The following RNASEH2A variants were observed in gnomAD, a reference collection of about 807,000 sequenced individuals.
RNASEH2A encodes ribonuclease H2 subunit A.
Under a neutral mutation model 32.7 loss-of-function variants are expected in RNASEH2A, and 30 were observed. The observed-to-expected ratio is 0.92, with a 90% confidence interval of 0.69 to 1.25. RNASEH2A has a LOEUF of 1.25. Among genes scored for constraint, RNASEH2A ranks in the 50% most tolerant of loss-of-function variants. The pLI, the probability that RNASEH2A is intolerant of heterozygous loss-of-function variation, is 0.00. For missense variants in RNASEH2A, 409 were observed against 398.1 expected (o/e 1.03, Z -0.23); for synonymous variants, 147 against 165.4 (o/e 0.89, Z 0.86).
rs750635099 is a variant in RNASEH2A, at chr19:12,806,708, G to A, written c.35G>A (p.Gly12Asp). 3.2e-6 allele frequency: 5 copies of A among 1,569,676 alleles called. No individual in the cohort carries two copies. In the South Asian group the frequency reaches 5.8e-5, roughly 18 times the overall value. Residue 12 changes from glycine to aspartate, a missense_variant, in exon 1 of 8, where the codon GGC (glycine) becomes GAC (aspartate). Transcript: ENST00000221486. ...AGCGAGCTGGAGAGAGACAATACAG[G>A]CCGCTGTCGCCTGAGTTCGCCTGTG... The part of the protein sequence containing the change: ...DLSELERDNT[G>D]RCRLSSPVPA...
At position 12,813,225 on chromosome 19, in the gene RNASEH2A, C is replaced by T. The variant is rs770646229; in HGVS notation, c.761+19C>T. 1.2e-6 allele frequency: 2 copies of T among 1,613,900 alleles called. No homozygotes were observed. The highest frequency in any genetic ancestry group is 1.7e-6 in the Non-Finnish European group (2 of 1,179,942). On this transcript the variant is annotated intron_variant, in intron 7 of 7. Transcript: ENST00000221486. ...TTATATGGTGGGTGTCATGGATGTC[C>T]TGGGGGTGCTATAGGGAAGGAAGGA...
At position 12,806,604 on chromosome 19, in the gene RNASEH2A, C is replaced by G. The variant is rs1029839889; in HGVS notation, c.-70C>G. 4 of 1,547,998 alleles carry G rather than the reference C, an allele frequency of 2.6e-6. No individual in the cohort carries two copies. In the South Asian group the frequency reaches 4.8e-5, roughly 18 times the overall value. On this transcript the variant is annotated 5_prime_UTR_variant, in exon 1 of 8. Coordinates refer to ENST00000221486, the MANE Select transcript of RNASEH2A (RefSeq NM_006397.3). ...GAAGCAGGCGCCGCTTCGAGGCCCG[C>G]GGAAAACGCGCGCCGAGACCCGCTC...
At chr19:12,808,663 G>A (rs1433290400) in intron 4 of RNASEH2A, among the ~76,000 whole-genome samples, 1 of 152,162 alleles carries the variant, frequency 6.6e-6, no homozygotes, top group Non-Finnish European at 1.5e-5. Context: ...ATTAAATCAG[G>A]AAAATTCACA....
rs1334674149 is a variant in RNASEH2A at position 12,806,626 on chromosome 19, G to A, written c.-48G>A. On this transcript the variant is annotated 5_prime_UTR_variant, in exon 1 of 8. Coordinates refer to ENST00000221486, the MANE Select transcript of RNASEH2A (RefSeq NM_006397.3). ...CCGCGGAAAACGCGCGCCGAGACCC[G>A]CTCCTGCAGTATTAGTTCTTGCAGC... 10 of 1,557,924 alleles carry A rather than the reference G, an allele frequency of 6.4e-6. No individual in the cohort carries two copies. The highest frequency in any genetic ancestry group is 1.9e-5 in the Admixed American group (1 of 51,680).
intron 4 of RNASEH2A, among the ~76,000 whole-genome samples, chr19:12,808,401 A>C (rs1212133995): frequency 6.6e-6 from 1 of 152,140 alleles, no homozygotes; most frequent in Non-Finnish European, 1.5e-5. Context: ...TGACGACCAC[A>C]GTGTAGCCCC....
chr19:12,807,237 A>G lies in RNASEH2A; in HGVS notation c.231A>G (p.Glu77=), dbSNP rs1277920249. The G allele has an allele frequency of 1.9e-6, 3 of 1,614,186 alleles. No homozygotes were observed. The highest frequency in any genetic ancestry group is 1.1e-5 in the South Asian group (1 of 91,086). Residue 77 remains glutamate (E), a synonymous_variant, in exon 3 of 8, where the codon GAA becomes GAG. Coordinates refer to ENST00000221486, the MANE Select transcript of RNASEH2A (RefSeq NM_006397.3). ...AGACCCTATTGGAGAGCGAGCGGGAAAGGCTGTTTGCGAAAATGGAGGACA... is the reference window on the plus strand; with the variant it reads ...AGACCCTATTGGAGAGCGAGCGGGAGAGGCTGTTTGCGAAAATGGAGGACA... The part of the protein sequence containing the change: ...DSKTLLESER[E]RLFAKMEDTD...
chr19:12,811,509 G>A (rs976231532), intron 6 of RNASEH2A, among the ~76,000 whole-genome samples: 2 of 152,030 alleles, frequency 1.3e-5, no homozygotes, highest in Admixed American at 6.6e-5. Context: ...CTACTCTGGA[G>A]GAGGAGGCTA....
rs963894982 is a variant in RNASEH2A, at chr19:12,806,629, C to T, written c.-45C>T. 9.6e-6 allele frequency: 15 copies of T among 1,559,696 alleles called. No individual in the cohort carries two copies. The highest frequency in any genetic ancestry group is 1.2e-5 in the Non-Finnish European group (14 of 1,151,750). On this transcript the variant is annotated 5_prime_UTR_variant, in exon 1 of 8. Coordinates refer to ENST00000221486, the MANE Select transcript of RNASEH2A (RefSeq NM_006397.3). ...CGGAAAACGCGCGCCGAGACCCGCT[C>T]CTGCAGTATTAGTTCTTGCAGCTGG...
rs763533382 is a variant in RNASEH2A, at chr19:12,813,066, T to G, written c.638-17T>G. The G allele has an allele frequency of 6.2e-7, 1 of 1,613,898 alleles. No homozygotes were observed. Among genetic ancestry groups the G allele is most frequent in the South Asian group, 1.1e-5 (1 of 91,058 alleles). On this transcript the variant is annotated splice_polypyrimidine_tract_variant and intron_variant, in intron 6 of 7. Transcript: ENST00000221486. The stretch of plus-strand genomic sequence containing the variant: ...ATGGTGCAACTTGGACTGTCACCAT[T>G]GCCCACCCTACCCCAGATCCCAAGA...
At chr19:12,809,920 G>T (rs1359355734) in intron 4 of RNASEH2A, 151 bp from the exon 5 acceptor site, 4 of 1,018,364 alleles carry the variant, frequency 3.9e-6, no homozygotes, top group Non-Finnish European at 6.2e-6. Flanking sequence ...GGTCTAGGAG[G>T]AGATGTTCGA....
chr19:12,812,964 C>G, intron 6 of RNASEH2A, 119 bp from the exon 7 acceptor site: 1 of 1,404,632 alleles, frequency 7.1e-7, no homozygotes, highest in Non-Finnish European at 9.9e-7. Context: ...GAGATCGCGC[C>G]ACTGCACTCC....
At chr19:12,812,733 G>A (rs771837903) in intron 6 of RNASEH2A, among the ~76,000 whole-genome samples, 4 of 151,306 alleles carry the variant, frequency 2.6e-5, no homozygotes, top group Admixed American at 6.6e-5. Context: ...GAGGCCGGGC[G>A]TGGTGGCTCA....
At chr19:12,807,384 G>A (rs1166804973) in intron 3 of RNASEH2A, 35 bp from the exon 4 acceptor site, 1 of 1,614,156 alleles carries the variant, frequency 6.2e-7, no homozygotes, top group Non-Finnish European at 8.5e-7. Context: ...TTTGTTCCTA[G>A]AATGAGATTA....
rs770898096 is a variant in RNASEH2A, at chr19:12,813,345, A to G, written c.779A>G (p.Glu260Gly). 4.2e-5 allele frequency: 68 copies of G among 1,613,950 alleles called. No individual in the cohort carries two copies. Among genetic ancestry groups the G allele is most frequent in the Non-Finnish European group, 5.6e-5 (66 of 1,180,004 alleles). The change falls in exon 8 of 8, where the codon GAG becomes GGG. Residue 260 changes from glutamate to glycine, a missense_variant. Coordinates refer to ENST00000221486, the MANE Select transcript of RNASEH2A (RefSeq NM_006397.3). ...EDVIWEDSAS[E>G]NQEGLRKITS... ...TCCCACAGGGAGGACTCAGCATCCG[A>G]GAATCAGGAGGGACTCAGGAAGATC...
At chr19:12,810,633 C>T (rs982234222) in intron 6 of RNASEH2A, among the ~76,000 whole-genome samples, 7 of 152,086 alleles carry the variant, frequency 4.6e-5, no homozygotes, top group Non-Finnish European at 1.0e-4. Context: ...TGGCTTCAAG[C>T]GATTCTCCTG....
chr19:12,812,258 G>C (rs1969084519), intron 6 of RNASEH2A, among the ~76,000 whole-genome samples: 1 of 151,822 alleles, frequency 6.6e-6, no homozygotes, highest in South Asian at 2.1e-4. Flanking sequence ...GCTGGGTGTG[G>C]TGTTTACACC....
intron 4 of RNASEH2A, 90 bp downstream of exon 4, chr19:12,807,596 T>TG: frequency 1.9e-6 from 2 of 1,076,562 alleles, no homozygotes; most frequent in Non-Finnish European, 2.8e-6. Context: ...GCCATGATCA[T>TG]GCCACAGCAC....
intron 4 of RNASEH2A, 127 bp downstream of exon 4, chr19:12,807,633 C>T (rs931531151): frequency 5.7e-6 from 5 of 874,692 alleles, no homozygotes; most frequent in Admixed American, 2.0e-5. Flanking sequence ...AAGGAAGCCC[C>T]CCAACTCAAA....
chr19:12,810,508 C>T, intron 6 of RNASEH2A, 104 bp downstream of exon 6: 1 of 1,089,248 alleles, frequency 9.2e-7, no homozygotes, highest in South Asian at 1.4e-5. Context: ...TTTTATTTTG[C>T]TTATTTTTTG....
Sources: gnomAD v4.1 joint callset for allele counts (sites outside exome capture counted in the v4.1 genomes callset) on GRCh38, gnomAD v4.1.1 for gene constraint, MANE v1.5 for transcripts, NCBI Gene and HGNC (gene_info 2026-07-23, HGNC 2026-07-21) for gene names.